Variants in PDZRN3 observed in about 807,000 individuals in gnomAD.
The protein encoded by PDZRN3 is PDZ domain containing ring finger 3.
PDZRN3 carries 38 observed loss-of-function variants against 85.7 expected under a neutral mutation model. The observed-to-expected ratio is 0.44, with a 90% CI of 0.34 to 0.58. The LOEUF is 0.58. Among genes scored for constraint, PDZRN3 ranks in the 20% least tolerant of loss-of-function variants. The probability of loss-of-function intolerance (pLI) is 0.01; values close to 1 mark genes in which losing one functional copy is unlikely to be tolerated. For synonymous variants in PDZRN3, 759 were observed against 638.0 expected, an observed-to-expected ratio of 1.19 and a Z score of -2.86; for missense variants, 1,629 against 1,506.4, an observed-to-expected ratio of 1.08 and a Z score of -1.35.
At chr3:73,420,419 A>G (rs1430577805) in intron 3 of PDZRN3, among the ~76,000 whole-genome samples, 12 of 152,240 alleles carry the variant, frequency 7.9e-5, no homozygotes, top group Admixed American at 7.9e-4. Context: ...TACTTGGCAC[A>G]CTGGAGGTGT....
intron 5 of PDZRN3, among the ~76,000 whole-genome samples, chr3:73,395,586 T>G (rs1055781516): frequency 6.6e-6 from 1 of 152,224 alleles, no homozygotes; most frequent in Non-Finnish European, 1.5e-5. Context: ...TCTCAAAGAC[T>G]AATTTCAATG....
chr3:73,558,182 G>C (rs1701741024), intron 3 of PDZRN3, among the ~76,000 whole-genome samples: 1 of 149,372 alleles, frequency 6.7e-6, no homozygotes. Context: ...AAAATCTTTG[G>C]CTAGCTCTAT....
At chr3:73,436,274 C>G (rs1423832283) in intron 3 of PDZRN3, among the ~76,000 whole-genome samples, 1 of 152,196 alleles carries the variant, frequency 6.6e-6, no homozygotes, top group East Asian at 1.9e-4. Context: ...TTCCTGAGGA[C>G]AGGGACTGGG....
chr3:73,540,111 A>C (rs1251429201), intron 3 of PDZRN3, among the ~76,000 whole-genome samples: 9 of 125,128 alleles, frequency 7.2e-5, no homozygotes, highest in African/African-American at 2.5e-4. Flanking sequence ...AAAAAAAAAA[A>C]CAGTTCTCAA....
At position 73,497,101 on chromosome 3, in the gene PDZRN3, G is replaced by T. The variant is rs769583780; in HGVS notation, c.919-92706C>A. Among the ~76,000 whole-genome samples, 27 of 152,288 alleles carry T rather than the reference G, an allele frequency of 1.8e-4. 1 individual carries two copies. The Middle Eastern group carries it at 0.01, about 58-fold the overall frequency. ...AAAATAATTGGGTAAATACTACAGA[G>T]TATTTCGGTTTGGAGCTTGTTTATT... On this transcript the variant is annotated intron_variant, in intron 3 of 9. Coordinates refer to ENST00000263666, the MANE Select transcript of PDZRN3 (RefSeq NM_015009.3).
intron 3 of PDZRN3, among the ~76,000 whole-genome samples, chr3:73,550,669 A>C (rs575876637): frequency 6.6e-6 from 1 of 152,238 alleles, no homozygotes; most frequent in Admixed American, 6.5e-5. Flanking sequence ...GTTTCTAAAA[A>C]ATGAAGGCAC....
chr3:73,453,534 T>TAA (rs1179628281), intron 3 of PDZRN3, among the ~76,000 whole-genome samples: 7 of 151,642 alleles, frequency 4.6e-5, no homozygotes, highest in Non-Finnish European at 7.4e-5. Flanking sequence ...GCTGTTTTGC[T>TAA]TTCTTTAAAA....
At chr3:73,389,772 A>G in intron 7 of PDZRN3, 44 bp downstream of exon 7, 1 of 1,369,838 alleles carries the variant, frequency 7.3e-7, no homozygotes, top group Non-Finnish European at 1.0e-6. Context: ...TTTGTTCTTT[A>G]GTGATAGGCC....
intron 3 of PDZRN3, among the ~76,000 whole-genome samples, chr3:73,592,354 T>TG (rs1399457057): frequency 2.0e-5 from 3 of 150,898 alleles, no homozygotes; most frequent in Non-Finnish European, 4.4e-5. Context: ...AATGCTGACT[T>TG]GCATTTTTTC....
At chr3:73,405,689 A>C (rs1701840282) in intron 3 of PDZRN3, among the ~76,000 whole-genome samples, 1 of 152,212 alleles carries the variant, frequency 6.6e-6, no homozygotes, top group South Asian at 2.1e-4. Flanking sequence ...CCACTCTTGC[A>C]ATGTGCATGT....
At position 73,581,850 on chromosome 3, in the gene PDZRN3, G is replaced by A. The variant is rs140885435; in HGVS notation, c.918+20504C>T. 7.6e-3 allele frequency among the ~76,000 whole-genome samples: 1,146 copies of A among 150,194 alleles called. 19 individuals are homozygous for A. Among genetic ancestry groups the A allele is most frequent in the Non-Finnish European group, 6.0e-3 (404 of 67,772 alleles). On this transcript the variant is annotated intron_variant, in intron 3 of 9. Coordinates refer to ENST00000263666, the MANE Select transcript of PDZRN3 (RefSeq NM_015009.3). ...ATGGTGGCTCACATCTGTAATCCCA[G>A]CACTTTGGGAGTCCAGGGCAAGAAG...
chr3:73,516,243 C>A (rs927943143), intron 3 of PDZRN3, among the ~76,000 whole-genome samples: 3 of 152,140 alleles, frequency 2.0e-5, no homozygotes, highest in Non-Finnish European at 4.4e-5. Flanking sequence ...GTGATTACAT[C>A]CACAGTATAG....
chr3:73,503,581 G>A (rs928568543), intron 3 of PDZRN3, among the ~76,000 whole-genome samples: 4 of 152,072 alleles, frequency 2.6e-5, no homozygotes, highest in Non-Finnish European at 5.9e-5. Context: ...TTCTTCTTTT[G>A]CTTTGTTTGG....
intron 3 of PDZRN3, chr3:73,408,116 C>A (rs976181953): frequency 2.8e-6 from 2 of 702,590 alleles, no homozygotes; most frequent in South Asian, 1.5e-5. Context: ...TTCAAATAAG[C>A]CCCTCCACAA....
At chr3:73,620,117 C>A (rs1702831514) in intron 1 of PDZRN3, among the ~76,000 whole-genome samples, 2 of 152,200 alleles carry the variant, frequency 1.3e-5, no homozygotes, top group Non-Finnish European at 2.9e-5. Flanking sequence ...CACACCCACA[C>A]CCAAGAATTA....
intron 3 of PDZRN3, among the ~76,000 whole-genome samples, chr3:73,575,767 T>C (rs1702114082): frequency 6.6e-6 from 1 of 152,236 alleles, no homozygotes; most frequent in Non-Finnish European, 1.5e-5. Flanking sequence ...TGTATGCCTC[T>C]GTTTTCTCAT....
At chr3:73,415,604 T>C (rs919610841) in intron 3 of PDZRN3, among the ~76,000 whole-genome samples, 2 of 152,232 alleles carry the variant, frequency 1.3e-5, no homozygotes, top group African/African-American at 4.8e-5. Flanking sequence ...ATAATCCTTC[T>C]ATTTTTCACA....
intron 3 of PDZRN3, among the ~76,000 whole-genome samples, chr3:73,584,511 G>A (rs905862359): frequency 6.1e-5 from 9 of 148,366 alleles, no homozygotes; most frequent in South Asian, 2.2e-4. Flanking sequence ...ATGCATATGC[G>A]TTGTGGATAA....
intron 3 of PDZRN3, among the ~76,000 whole-genome samples, chr3:73,533,610 A>G (rs1452621019): frequency 1.3e-5 from 2 of 152,106 alleles, no homozygotes; most frequent in Non-Finnish European, 2.9e-5. Flanking sequence ...CGTATCCCAT[A>G]TAAGAAACAG....
Sources: gnomAD v4.1 joint callset for allele counts (sites outside exome capture counted in the v4.1 genomes callset) on GRCh38, gnomAD v4.1.1 for gene constraint, MANE v1.5 for transcripts, NCBI Gene and HGNC (gene_info 2026-07-23, HGNC 2026-07-21) for gene names.